CRY1: variants seen among roughly 807,000 people sequenced by gnomAD.
The protein encoded by CRY1 is cryptochrome-1.
A neutral mutation model predicts 76.0 loss-of-function variants in CRY1; 45 were observed. The observed-to-expected ratio is 0.59, with a 90% CI of 0.47 to 0.76. The LOEUF (loss-of-function observed/expected upper bound fraction) is 0.76, where lower values mean the gene tolerates loss of function less well. CRY1 is among the 30% of genes least tolerant of loss of function. The pLI, the probability that CRY1 is intolerant of heterozygous loss-of-function variation, is 0.00. For missense variants in CRY1, 587 were observed against 716.4 expected (o/e 0.82, Z 2.06); for synonymous variants, 248 against 244.0 (o/e 1.02, Z -0.15).
At chr12:107,029,047 G>A (rs1952647906) in intron 1 of CRY1, among the ~76,000 whole-genome samples, 1 of 152,146 alleles carries the variant, frequency 6.6e-6, no homozygotes, top group Non-Finnish European at 1.5e-5. Flanking sequence ...TGAAATTTAT[G>A]TGTAACTCAG....
At chr12:107,020,960 A>T (rs1182824782) in intron 2 of CRY1, among the ~76,000 whole-genome samples, 2 of 152,208 alleles carry the variant, frequency 1.3e-5, no homozygotes, top group Non-Finnish European at 2.9e-5. Flanking sequence ...ACATTTTTAA[A>T]GATTTTTAAG....
chr12:107,038,028 G>A lies in CRY1; in HGVS notation c.159-15836C>T, dbSNP rs535074768. Among the ~76,000 whole-genome samples, 12 of 152,278 alleles carry A rather than the reference G, an allele frequency of 7.9e-5. No homozygotes were observed. In the East Asian group the frequency reaches 1.5e-3, roughly 20 times the overall value. On this transcript the variant is annotated intron_variant, in intron 1 of 12. Transcript: ENST00000008527. ...CTGGCCCTGAATTTGCCTTTAAAAG[G>A]ATCACTTGGGCTGCTGAGTAGAAAA...
At chr12:106,992,666 AAATT>A in intron 12 of CRY1, 117 bp downstream of exon 12, 1 of 919,474 alleles carries the variant, frequency 1.1e-6, no homozygotes, top group Non-Finnish European at 1.6e-6. Flanking sequence ...AATTGCTTAA[AAATT>A]AATGCCTCAA....
At chr12:107,019,737 G>A (rs1246725607) in intron 2 of CRY1, among the ~76,000 whole-genome samples, 1 of 152,038 alleles carries the variant, frequency 6.6e-6, no homozygotes, top group Non-Finnish European at 1.5e-5. Flanking sequence ...AGACTAGCCT[G>A]AGCAACATAG....
intron 1 of CRY1, among the ~76,000 whole-genome samples, chr12:107,091,606 G>A (rs549447891): frequency 5.3e-5 from 8 of 152,208 alleles, no homozygotes; most frequent in African/African-American, 1.9e-4. Context: ...TCATAATCCT[G>A]CAGTTATTCC....
intron 1 of CRY1, among the ~76,000 whole-genome samples, chr12:107,046,680 G>A (rs1386365254): frequency 6.6e-6 from 1 of 152,140 alleles, no homozygotes. Context: ...GAATGAAAGT[G>A]AAGGGATGAA....
chr12:107,051,219 C>A (rs1952916332), intron 1 of CRY1, among the ~76,000 whole-genome samples: 1 of 151,990 alleles, frequency 6.6e-6, no homozygotes, highest in African/African-American at 2.4e-5. Flanking sequence ...AGAGAAAAAA[C>A]AAACAAACAA....
At chr12:107,049,693 G>A (rs1337881183) in intron 1 of CRY1, 1 of 152,110 alleles carries the variant, frequency 6.6e-6, no homozygotes, top group Non-Finnish European at 1.5e-5. Context: ...CTTATTATCT[G>A]TGTAACTCTC....
At chr12:107,081,940 T>C (rs1565846907) in intron 1 of CRY1, among the ~76,000 whole-genome samples, 1 of 151,940 alleles carries the variant, frequency 6.6e-6, no homozygotes, top group East Asian at 1.9e-4. Flanking sequence ...ATCTGAGTCA[T>C]GGGGACAGAC....
intron 7 of CRY1, 32 bp from the exon 8 acceptor site, chr12:106,998,098 A>G (rs1952254612): frequency 6.2e-7 from 1 of 1,611,252 alleles, no homozygotes; most frequent in African/African-American, 1.3e-5. Context: ...ATTAGTTTGC[A>G]CACACATAAT....
In CRY1 at chr12:106,999,868, G is replaced by A; in HGVS notation, c.826-6C>T. The A allele has an allele frequency of 6.2e-7, 1 of 1,600,394 alleles. No individual in the cohort carries two copies. The highest frequency in any genetic ancestry group is 8.5e-7 in the Non-Finnish European group (1 of 1,175,604). Reference sequence around the variant, plus strand: ...GGGGAACTGTTCTTCTTTACCTATGGTTAAAAAGCAAAGAAGTATTATCAG... The same window carrying A: ...GGGGAACTGTTCTTCTTTACCTATGATTAAAAAGCAAAGAAGTATTATCAG... On this transcript the variant is annotated splice_polypyrimidine_tract_variant and splice_region_variant and intron_variant, in intron 6 of 12. Coordinates refer to ENST00000008527, the MANE Select transcript of CRY1 (RefSeq NM_004075.5).
In CRY1 at chr12:106,991,608, G is replaced by A. The variant is rs1363911759; in HGVS notation, c.*394C>T. 6.6e-6 allele frequency: 1 copy of A among 152,510 alleles called. No individual in the cohort carries two copies. The highest frequency in any genetic ancestry group is 2.4e-5 in the African/African-American group (1 of 41,412). The allele number at this position is 152,510 out of a possible 1,614,324, so 9.4% of individuals were successfully genotyped here. A position where few individuals can be genotyped will look rare whatever the true frequency, so the allele number is the denominator to read the frequency against. On this transcript the variant is annotated 3_prime_UTR_variant, in exon 13 of 13. Coordinates refer to ENST00000008527, the MANE Select transcript of CRY1 (RefSeq NM_004075.5). The stretch of plus-strand genomic sequence containing the variant: ...GATCAAACAACATCAAGAAAATTCT[G>A]TCCTAAAATTTTAACGTCTTTTAAG...
chr12:107,012,083 A>C (rs896339517), intron 2 of CRY1, among the ~76,000 whole-genome samples: 6 of 152,144 alleles, frequency 3.9e-5, no homozygotes, highest in African/African-American at 1.4e-4. Context: ...CAAGCTACTC[A>C]GGAGGCTGAG....
intron 2 of CRY1, among the ~76,000 whole-genome samples, chr12:107,014,626 A>C (rs188709580): frequency 8.6e-5 from 13 of 151,924 alleles, no homozygotes; most frequent in Admixed American, 3.3e-4. Flanking sequence ...TTCTATCTTT[A>C]AGGTAGAAAC....
At chr12:107,037,289 T>C (rs1331435398) in intron 1 of CRY1, among the ~76,000 whole-genome samples, 4 of 152,082 alleles carry the variant, frequency 2.6e-5, no homozygotes, top group African/African-American at 7.2e-5. Context: ...TCCCAGCACT[T>C]TGGGGGCCAA....
chr12:106,998,659 AACACACAC>A (rs10522970), intron 7 of CRY1, among the ~76,000 whole-genome samples: 16 of 143,352 alleles, frequency 1.1e-4, no homozygotes, highest in South Asian at 6.6e-4. Flanking sequence ...TAAGAGATTA[AACACACAC>A]ACACACACAC....
In CRY1 at chr12:106,997,661, G is replaced by A. The variant is rs779190715; in HGVS notation, c.1319C>T (p.Pro440Leu). ...CCAGGGATCATAGATATATTTTGCAGGGAAGCCTCTTAGGACAGGCAAATA... is the reference window on the plus strand; with the variant it reads ...CCAGGGATCATAGATATATTTTGCAAGGAAGCCTCTTAGGACAGGCAAATA... ...RRYLPVLRGFPAKYIYDPWNA... is the reference protein window; with the variant it reads ...RRYLPVLRGFLAKYIYDPWNA... The change falls in exon 9 of 13, where the codon CCT becomes CTT. Residue 440 changes from proline to leucine, a missense_variant. Coordinates refer to ENST00000008527, the MANE Select transcript of CRY1 (RefSeq NM_004075.5). The A allele has an allele frequency of 1.2e-6, 2 of 1,614,036 alleles. No homozygotes were observed. Among genetic ancestry groups the A allele is most frequent in the South Asian group, 2.2e-5 (2 of 91,082 alleles).
chr12:107,076,849 T>C (rs1296426394), intron 1 of CRY1, among the ~76,000 whole-genome samples: 2 of 151,942 alleles, frequency 1.3e-5, no homozygotes, highest in Non-Finnish European at 2.9e-5. Context: ...TCTCATGAAA[T>C]CTGGTCATTT....
intron 2 of CRY1, among the ~76,000 whole-genome samples, chr12:107,006,150 C>T (rs1295665826): frequency 7.2e-5 from 11 of 152,032 alleles, no homozygotes; most frequent in African/African-American, 2.7e-4. Context: ...CTCTGGGAGG[C>T]TGGGGTGGGT....
Sources: allele counts gnomAD v4.1 joint callset (sites outside exome capture counted in the v4.1 genomes callset), GRCh38; gene constraint gnomAD v4.1.1; transcripts MANE v1.5; gene names NCBI Gene and HGNC (gene_info 2026-07-23, HGNC 2026-07-21).